The following BRIP1 variants were observed in gnomAD, a reference collection of about 807,000 sequenced individuals.
BRIP1 encodes the protein Fanconi anemia group J protein.
A neutral mutation model predicts 119.7 loss-of-function variants in BRIP1; 88 were observed. That is an observed-to-expected ratio of 0.74 (90% CI 0.62 to 0.88). BRIP1 has a LOEUF of 0.88. Among genes scored for constraint, BRIP1 ranks in the 40% least tolerant of loss-of-function variants. The pLI is 0.00. For synonymous variants in BRIP1, 443 were observed against 496.5 expected (o/e 0.89, Z 1.43); for missense variants, 1,259 against 1,455.4 (o/e 0.87, Z 2.20).
In BRIP1 at chr17:61,795,191, G is replaced by A. The variant is rs1053215855; in HGVS notation, c.1341-1462C>T. ...ATGCAATATGTAATAATCACATCAT[G>A]GAAGATGGGGTATCCATCCTCTCAA... On this transcript the variant is annotated intron_variant, in intron 9 of 19. Coordinates refer to ENST00000259008, the MANE Select transcript of BRIP1 (RefSeq NM_032043.3). This position sits in a 1 kb window ranked among gnomAD's most constrained non-coding sequence, Gnocchi z 5.6. Among the ~76,000 whole-genome samples, 3 of 152,044 alleles carry A rather than the reference G, an allele frequency of 2.0e-5. No homozygotes were observed. The highest frequency in any genetic ancestry group is 1.3e-4 in the Admixed American group (2 of 15,240).
intron 6 of BRIP1, among the ~76,000 whole-genome samples, chr17:61,818,954 G>T (rs892555626): frequency 6.6e-6 from 1 of 152,026 alleles, no homozygotes; most frequent in African/African-American, 2.4e-5. Context: ...GGGAGGCCGA[G>T]GGGGGCAGAT....
rs1457489650 is a variant in BRIP1 at position 61,738,702 on chromosome 17, A to G, written c.2379+4311T>C. Reference sequence around the variant, plus strand: ...TGAGGCAAAGGTGGAGAAAAGAGAAATGGAATTTTCTCACAAATGTATATT... The same window carrying G: ...TGAGGCAAAGGTGGAGAAAAGAGAAGTGGAATTTTCTCACAAATGTATATT... On this transcript the variant is annotated intron_variant, in intron 16 of 19. Coordinates refer to ENST00000259008, the MANE Select transcript of BRIP1 (RefSeq NM_032043.3). This position sits in a 1 kb window ranked among gnomAD's most constrained non-coding sequence, Gnocchi z 4.2. Among the ~76,000 whole-genome samples the G allele has an allele frequency of 2.0e-5, 3 of 152,230 alleles. No homozygotes were observed. Among genetic ancestry groups the G allele is most frequent in the Non-Finnish European group, 4.4e-5 (3 of 68,032 alleles).
chr17:61,712,701 C>A (rs543747980), intron 17 of BRIP1, among the ~76,000 whole-genome samples: 1 of 151,956 alleles, frequency 6.6e-6, no homozygotes, highest in Admixed American at 6.6e-5. Context: ...GTCAAGAAAT[C>A]GAGACCATCC....
At position 61,684,040 on chromosome 17, in the gene BRIP1, C is replaced by T. The variant is rs546083449; in HGVS notation, c.3006G>A (p.Trp1002Ter). 2 of 1,613,866 alleles carry T rather than the reference C, an allele frequency of 1.2e-6. No homozygotes were observed. Among genetic ancestry groups the T allele is most frequent in the Non-Finnish European group, 1.7e-6 (2 of 1,179,948 alleles). ...TFNKQTKRVS[W>*]SSFNSLGQYF... ...ACTGTCCCAAAGAATTAAAGCTTGA[C>T]CAGCTAACTCTCTTTGTTTGTTTGT... The change falls in exon 20 of 20, where the codon TGG becomes TGA. Residue 1002 changes from tryptophan to a stop codon, truncating the protein, a stop_gained. Transcript: ENST00000259008. LOFTEE classifies it low-confidence loss of function (END_TRUNC). This position sits in a 1 kb window ranked among gnomAD's most constrained non-coding sequence, Gnocchi z 4.5.
chr17:61,754,831 C>A lies in BRIP1; in HGVS notation c.2098-10240G>T, dbSNP rs1603307711. Among the ~76,000 whole-genome samples the A allele has an allele frequency of 6.6e-6, 1 of 152,080 alleles. No individual in the cohort carries two copies. Among genetic ancestry groups the A allele is most frequent in the East Asian group, 1.9e-4 (1 of 5,180 alleles). ...AGAGAGCAATGAAGTTTTCTGGTGTCTCTTCTTATAAGAACACTAATCCTA... is the reference window on the plus strand; with the variant it reads ...AGAGAGCAATGAAGTTTTCTGGTGTATCTTCTTATAAGAACACTAATCCTA... On this transcript the variant is annotated intron_variant, in intron 14 of 19. Transcript: ENST00000259008. The surrounding 1 kb of genome is among the most constrained non-coding windows in gnomAD (Gnocchi z 4.1).
rs2061906893 is a variant in BRIP1 at position 61,717,855 on chromosome 17, T to A, written c.2380-1792A>T. Among the ~76,000 whole-genome samples, 1 of 152,160 alleles carries A rather than the reference T, an allele frequency of 6.6e-6. No individual in the cohort carries two copies. The highest frequency in any genetic ancestry group is 1.5e-5 in the Non-Finnish European group (1 of 68,016). Reference sequence around the variant, plus strand: ...CACATGTCACTGACCCTCTTTTTTTTCACTCTACACTTCATTTTGGATAAT... The same window carrying A: ...CACATGTCACTGACCCTCTTTTTTTACACTCTACACTTCATTTTGGATAAT... On this transcript the variant is annotated intron_variant, in intron 16 of 19. Coordinates refer to ENST00000259008, the MANE Select transcript of BRIP1 (RefSeq NM_032043.3). The surrounding 1 kb of genome is among the most constrained non-coding windows in gnomAD (Gnocchi z 4.1).
In BRIP1 at chr17:61,806,407, T is replaced by G. The variant is rs1306082732; in HGVS notation, c.918+2060A>C. 6.6e-6 allele frequency among the ~76,000 whole-genome samples: 1 copy of G among 152,068 alleles called. No individual in the cohort carries two copies. Among genetic ancestry groups the G allele is most frequent in the Non-Finnish European group, 1.5e-5 (1 of 68,014 alleles). ...GTAAGCATTCTGAGGCAGAATTAGG[T>G]CAAGACAAACCACAAGCAGATATCT... On this transcript the variant is annotated intron_variant, in intron 7 of 19. Coordinates refer to ENST00000259008, the MANE Select transcript of BRIP1 (RefSeq NM_032043.3). This position sits in a 1 kb window ranked among gnomAD's most constrained non-coding sequence, Gnocchi z 4.9.
chr17:61,846,855 G>T lies in BRIP1; in HGVS notation c.627+246C>A, dbSNP rs114365025. On this transcript the variant is annotated intron_variant, in intron 6 of 19. Transcript: ENST00000259008. The surrounding 1 kb of genome is among the most constrained non-coding windows in gnomAD (Gnocchi z 4.3). ...TTTACAAACATTAAAATACAGAACA[G>T]AAAAAAATGACTTTCAGATCTCTCT... Among the ~76,000 whole-genome samples the T allele has an allele frequency of 6.5e-3, 991 of 152,124 alleles. 15 individuals are homozygous for T. Among genetic ancestry groups the T allele is most frequent in the African/African-American group, 0.023 (948 of 41,498 alleles).
rs1555573382 is a variant in BRIP1, at chr17:61,686,004, A to C, written c.2737T>G (p.Ser913Ala). 6.2e-7 allele frequency: 1 copy of C among 1,614,008 alleles called. No individual in the cohort carries two copies. The highest frequency in any genetic ancestry group is 8.5e-7 in the Non-Finnish European group (1 of 1,179,916). The change falls in exon 19 of 20, where the codon TCT (serine) becomes GCT (alanine). Residue 913 changes from serine to alanine, a missense_variant. Physicochemically the swap from Ser to Ala is moderately conservative, Grantham distance 99. Transcript: ENST00000259008. This position sits in a 1 kb window ranked among gnomAD's most constrained non-coding sequence, Gnocchi z 5.4. ...QDNESTLEVT[S>A]LKYSTSPYLL... ...TAAGGTGAGGTACTGTACTTTAAAGAGGTCACTTCAAGTGTAGACTCATTG... is the reference window on the plus strand; with the variant it reads ...TAAGGTGAGGTACTGTACTTTAAAGCGGTCACTTCAAGTGTAGACTCATTG...
Position 61,859,180 on chromosome 17 carries a change from A to G in BRIP1, c.205+616T>C, listed in dbSNP as rs141171931. On this transcript the variant is annotated intron_variant, in intron 3 of 19. Transcript: ENST00000259008. ...TCAACTAGAATGTATTCTTTTTTATATATTCCATGTGCTGATGTTATGAGA... is the reference window on the plus strand; with the variant it reads ...TCAACTAGAATGTATTCTTTTTTATGTATTCCATGTGCTGATGTTATGAGA... Among the ~76,000 whole-genome samples, 315 of 152,220 alleles carry G rather than the reference A, an allele frequency of 2.1e-3. 2 individuals carry two copies. The highest frequency in any genetic ancestry group is 5.8e-3 in the East Asian group (30 of 5,182).
rs143965996 is a variant in BRIP1 at position 61,804,222 on chromosome 17, T to C, written c.919-2748A>G. ...TACATGTACTACTTCTCTTTTTCAA[T>C]TGTCATTGGAACTAAGTGGTAGAAT... On this transcript the variant is annotated intron_variant, in intron 7 of 19. Transcript: ENST00000259008. The surrounding 1 kb of genome is among the most constrained non-coding windows in gnomAD (Gnocchi z 4.5). Among the ~76,000 whole-genome samples, 11 of 152,286 alleles carry C rather than the reference T, an allele frequency of 7.2e-5. No individual in the cohort carries two copies. The East Asian group carries it at 1.5e-3, about 21-fold the overall frequency.
chr17:61,769,390 T>G lies in BRIP1; in HGVS notation c.2097+7011A>C, dbSNP rs979735203. 2.0e-5 allele frequency among the ~76,000 whole-genome samples: 3 copies of G among 152,198 alleles called. No individual in the cohort carries two copies. Among genetic ancestry groups the G allele is most frequent in the African/African-American group, 7.2e-5 (3 of 41,452 alleles). On this transcript the variant is annotated intron_variant, in intron 14 of 19. Transcript: ENST00000259008. This position sits in a 1 kb window ranked among gnomAD's most constrained non-coding sequence, Gnocchi z 4.9. ...CATGTCCCCCTGAAATGAATTCTAA[T>G]GTAGGCTTTCTGTCTTCTGCATGGT...
intron 14 of BRIP1, among the ~76,000 whole-genome samples, chr17:61,765,423 A>ATATATT (rs1555598250): frequency 1.2e-4 from 1 of 8,232 alleles, no homozygotes; most frequent in Non-Finnish European, 1.7e-4. Context: ...ATATATATAT[A>ATATATT]TTTTTTTTTT....
intron 10 of BRIP1, among the ~76,000 whole-genome samples, chr17:61,787,407 A>C (rs2077744611): frequency 7.5e-6 from 1 of 133,084 alleles, no homozygotes; most frequent in Non-Finnish European, 1.6e-5. Flanking sequence ...TATTTATATA[A>C]AATATTTATA....
chr17:61,760,986 T>C lies in BRIP1; in HGVS notation c.2097+15415A>G, dbSNP rs182317433. ...ACTGTAGGCCAATATCCTTGATAAATAGAAAAGCAAAAATCCTCAACAAAA... is the reference window on the plus strand; with the variant it reads ...ACTGTAGGCCAATATCCTTGATAAACAGAAAAGCAAAAATCCTCAACAAAA... On this transcript the variant is annotated intron_variant, in intron 14 of 19. Coordinates refer to ENST00000259008, the MANE Select transcript of BRIP1 (RefSeq NM_032043.3). The surrounding 1 kb of genome is among the most constrained non-coding windows in gnomAD (Gnocchi z 4.6). Among the ~76,000 whole-genome samples, 502 of 151,948 alleles carry C rather than the reference T, an allele frequency of 3.3e-3. 3 individuals carry two copies. The highest frequency in any genetic ancestry group is 3.6e-3 in the Non-Finnish European group (244 of 67,808).
rs908875647 is a variant in BRIP1 at position 61,691,240 on chromosome 17, A to C, written c.2575+2190T>G. 6.6e-6 allele frequency among the ~76,000 whole-genome samples: 1 copy of C among 152,014 alleles called. No individual in the cohort carries two copies. The highest frequency in any genetic ancestry group is 1.5e-5 in the Non-Finnish European group (1 of 67,968). On this transcript the variant is annotated intron_variant, in intron 18 of 19. Coordinates refer to ENST00000259008, the MANE Select transcript of BRIP1 (RefSeq NM_032043.3). This position sits in a 1 kb window ranked among gnomAD's most constrained non-coding sequence, Gnocchi z 5.0. ...CCCTAGAACTTAAAGTATAATAATA[A>C]AAATAAAAATTAAAATAAAAAAACT...
intron 6 of BRIP1, among the ~76,000 whole-genome samples, chr17:61,837,495 T>C (rs1262916860): frequency 1.3e-5 from 2 of 152,082 alleles, no homozygotes; most frequent in African/African-American, 4.8e-5. Flanking sequence ...TTAAATCAAA[T>C]ATAATTACTT....
rs114192527 is a variant in BRIP1 at position 61,724,913 on chromosome 17, C to A, written c.2380-8850G>T. Among the ~76,000 whole-genome samples, 614 of 152,294 alleles carry A rather than the reference C, an allele frequency of 4.0e-3. 3 individuals carry two copies. The highest frequency in any genetic ancestry group is 0.014 in the African/African-American group (576 of 41,572). On this transcript the variant is annotated intron_variant, in intron 16 of 19. Transcript: ENST00000259008. The surrounding 1 kb of genome is among the most constrained non-coding windows in gnomAD (Gnocchi z 5.1). Reference sequence around the variant, plus strand: ...TTTACAGCAAACCAAATCTGGAAGACAGAGACTGTGCATTAGAGACATTTG... The same window carrying A: ...TTTACAGCAAACCAAATCTGGAAGAAAGAGACTGTGCATTAGAGACATTTG...
Position 61,725,415 on chromosome 17 carries a change from G to A in BRIP1, c.2380-9352C>T, listed in dbSNP as rs1294669944. Among the ~76,000 whole-genome samples the A allele has an allele frequency of 6.6e-6, 1 of 152,072 alleles. No homozygotes were observed. Among genetic ancestry groups the A allele is most frequent in the Non-Finnish European group, 1.5e-5 (1 of 68,020 alleles). On this transcript the variant is annotated intron_variant, in intron 16 of 19. Coordinates refer to ENST00000259008, the MANE Select transcript of BRIP1 (RefSeq NM_032043.3). The surrounding 1 kb of genome is among the most constrained non-coding windows in gnomAD (Gnocchi z 5.3). ...TATATTAAACTTAGTATCGCTAATT[G>A]TCAGTGTTGACTAAAATAACCTGGA...
Sources: allele counts gnomAD v4.1 joint callset (sites outside exome capture counted in the v4.1 genomes callset), GRCh38; gene constraint gnomAD v4.1.1; non-coding constraint Gnocchi (gnomAD v3.1); transcripts MANE v1.5; gene names NCBI Gene and HGNC (gene_info 2026-07-23, HGNC 2026-07-21).